Variants in FHOD3 observed in about 807,000 individuals in gnomAD.
FHOD3 encodes FH1/FH2 domain-containing protein 3.
FHOD3 carries 90 observed loss-of-function variants against 173.0 expected under a neutral mutation model. The ratio of observed to expected loss-of-function variants is 0.52; its 90% CI spans 0.44 to 0.62. The LOEUF (loss-of-function observed/expected upper bound fraction) is 0.62, where lower values mean the gene tolerates loss of function less well. Among genes scored for constraint, FHOD3 ranks in the 20% least tolerant of loss-of-function variants. The pLI, the probability that FHOD3 is intolerant of heterozygous loss-of-function variation, is 0.00. For missense variants in FHOD3, 1,945 were observed against 2,034.7 expected (o/e 0.96, Z 0.85); for synonymous variants, 828 against 823.0 (o/e 1.01, Z -0.10).
At chr18:36,410,127 CA>C (rs201591534) in intron 3 of FHOD3, among the ~76,000 whole-genome samples, 2 of 151,820 alleles carry the variant, frequency 1.3e-5, no homozygotes, top group Non-Finnish European at 2.9e-5. Context: ...TCATCATCCT[CA>C]AAAAAAACAC....
chr18:36,683,693 A>G (rs1387722993), intron 15 of FHOD3, among the ~76,000 whole-genome samples: 1 of 152,228 alleles, frequency 6.6e-6, no homozygotes, highest in Admixed American at 6.5e-5. Flanking sequence ...ATAAAAGTGT[A>G]GAGAATTCCT....
intron 8 of FHOD3, among the ~76,000 whole-genome samples, chr18:36,609,788 T>G (rs2032479502): frequency 6.6e-6 from 1 of 152,100 alleles, no homozygotes; most frequent in Non-Finnish European, 1.5e-5. Flanking sequence ...TTTGTGTATT[T>G]TTAGTAGAGA....
At chr18:36,466,487 T>A (rs1454464063) in intron 3 of FHOD3, among the ~76,000 whole-genome samples, 3 of 152,120 alleles carry the variant, frequency 2.0e-5, no homozygotes, top group Non-Finnish European at 4.4e-5. Context: ...AAATCATAAA[T>A]CAATAATACA....
chr18:36,404,576 T>C (rs1206955949), intron 3 of FHOD3, among the ~76,000 whole-genome samples: 1 of 152,158 alleles, frequency 6.6e-6, no homozygotes. Context: ...GATGTATCAC[T>C]TGGGGACTCA....
At chr18:36,751,092 C>G (rs1555837118) in intron 24 of FHOD3, among the ~76,000 whole-genome samples, 1 of 152,174 alleles carries the variant, frequency 6.6e-6, no homozygotes, top group Non-Finnish European at 1.5e-5. Context: ...TTTAATGACA[C>G]TAATCCTTCC....
At chr18:36,427,734 T>C (rs778165249) in intron 3 of FHOD3, among the ~76,000 whole-genome samples, 1 of 152,206 alleles carries the variant, frequency 6.6e-6, no homozygotes, top group African/African-American at 2.4e-5. Flanking sequence ...TCTTAGAGCC[T>C]GGTACACCCA....
chr18:36,397,525 TAGTATAGAGACCCCA>T (rs2048609743), intron 3 of FHOD3, among the ~76,000 whole-genome samples: 1 of 152,180 alleles, frequency 6.6e-6, no homozygotes, highest in African/African-American at 2.4e-5. Flanking sequence ...TTGTAACAAG[TAGTATAGAGACCCCA>T]TATGCTCTTC....
chr18:36,519,677 G>A (rs1350774272), intron 5 of FHOD3, among the ~76,000 whole-genome samples: 1 of 152,182 alleles, frequency 6.6e-6, no homozygotes, highest in Non-Finnish European at 1.5e-5. Flanking sequence ...GACCTTTGGT[G>A]GGACAAAGTG....
At chr18:36,543,649 C>T (rs2057307887) in intron 5 of FHOD3, among the ~76,000 whole-genome samples, 1 of 152,170 alleles carries the variant, frequency 6.6e-6, no homozygotes, top group African/African-American at 2.4e-5. Flanking sequence ...ATCCCTGTCA[C>T]CCACTGGGGA....
At chr18:36,460,454 A>G (rs1330423051) in intron 3 of FHOD3, among the ~76,000 whole-genome samples, 1 of 152,216 alleles carries the variant, frequency 6.6e-6, no homozygotes, top group Non-Finnish European at 1.5e-5. Flanking sequence ...TCACCATGCA[A>G]ACGTGAGGCA....
At chr18:36,742,056 A>C (rs370762255) in intron 21 of FHOD3, among the ~76,000 whole-genome samples, 6 of 152,182 alleles carry the variant, frequency 3.9e-5, no homozygotes, top group African/African-American at 1.4e-4. Flanking sequence ...TCAGCCTGGC[A>C]AGACCTGGGC....
intron 23 of FHOD3, among the ~76,000 whole-genome samples, chr18:36,746,650 G>C (rs904386540): frequency 6.6e-6 from 1 of 152,008 alleles, no homozygotes; most frequent in African/African-American, 2.4e-5. Context: ...CTTGTACTAG[G>C]GTTCCTTGAT....
intron 20 of FHOD3, among the ~76,000 whole-genome samples, chr18:36,734,291 C>T (rs2041521497): frequency 6.6e-6 from 1 of 152,192 alleles, no homozygotes; most frequent in Non-Finnish European, 1.5e-5. Context: ...TTGGGTTAGA[C>T]AGTGCTTTGT....
intron 19 of FHOD3, among the ~76,000 whole-genome samples, chr18:36,723,302 T>C (rs1334277805): frequency 6.6e-6 from 1 of 152,234 alleles, no homozygotes; most frequent in Non-Finnish European, 1.5e-5. Context: ...GAAATTTTAT[T>C]TCTGACTAAG....
At chr18:36,658,000 T>G in intron 13 of FHOD3, 75 bp from the exon 14 acceptor site, 1 of 1,095,084 alleles carries the variant, frequency 9.1e-7, no homozygotes, top group South Asian at 1.3e-5. Context: ...TAAAATGGTT[T>G]GCTAAGTCTT....
At chr18:36,580,154 T>A (rs895483625) in intron 6 of FHOD3, among the ~76,000 whole-genome samples, 1 of 152,172 alleles carries the variant, frequency 6.6e-6, no homozygotes, top group Admixed American at 6.5e-5. Context: ...TTGTAGGAAT[T>A]GTGCTTTCCC....
chr18:36,397,356 C>T (rs1043344260), intron 3 of FHOD3, among the ~76,000 whole-genome samples: 1 of 152,054 alleles, frequency 6.6e-6, no homozygotes, highest in African/African-American at 2.4e-5. Flanking sequence ...GTCCTTCTAC[C>T]CTTTTATTTT....
chr18:36,452,861 T>C (rs1298324325), intron 3 of FHOD3, among the ~76,000 whole-genome samples: 2 of 152,188 alleles, frequency 1.3e-5, no homozygotes, highest in Non-Finnish European at 1.5e-5. Flanking sequence ...TGTATGTATA[T>C]GTATGTGTAT....
At chr18:36,698,494 G>A (rs985185086) in intron 17 of FHOD3, among the ~76,000 whole-genome samples, 1 of 152,090 alleles carries the variant, frequency 6.6e-6, no homozygotes, top group African/African-American at 2.4e-5. Context: ...TATTTCTAAG[G>A]CAAGAGAATA....
Sources: gnomAD v4.1 joint callset for allele counts (sites outside exome capture counted in the v4.1 genomes callset) on GRCh38, gnomAD v4.1.1 for gene constraint, MANE v1.5 for transcripts, NCBI Gene and HGNC (gene_info 2026-07-23, HGNC 2026-07-21) for gene names.